Variants in TXNDC16 observed in about 807,000 individuals in gnomAD.
TXNDC16 encodes thioredoxin domain-containing protein 16.
TXNDC16 carries 74 observed loss-of-function variants against 85.6 expected under a neutral mutation model. The observed-to-expected ratio is 0.86, with a 90% CI of 0.72 to 1.05. The LOEUF (loss-of-function observed/expected upper bound fraction) is 1.05, where lower values mean the gene tolerates loss of function less well. Ranked by LOEUF, TXNDC16 falls within the 50% of genes least tolerant of loss-of-function variation. The pLI is 0.00. For missense variants in TXNDC16, 959 were observed against 947.0 expected (o/e 1.01, Z -0.17); for synonymous variants, 335 against 326.5 (o/e 1.03, Z -0.28).
Position 52,546,052 on chromosome 14 carries a change from G to A in TXNDC16, c.-181-1681C>T, listed in dbSNP as rs574366039. Among the ~76,000 whole-genome samples the A allele has an allele frequency of 4.7e-4, 72 of 152,230 alleles. 1 individual carries two copies. The highest frequency in any genetic ancestry group is 3.4e-3 in the Middle Eastern group (1 of 294). The stretch of plus-strand genomic sequence containing the variant: ...TACAATTCCAGCCCTCTGGGAGGCA[G>A]AGGCAGGAAGATCACTTGAGCCTAG... On this transcript the variant is annotated intron_variant, in intron 1 of 20. Transcript: ENST00000281741.
At chr14:52,463,492 T>C (rs989089477) in intron 16 of TXNDC16, among the ~76,000 whole-genome samples, 2 of 152,098 alleles carry the variant, frequency 1.3e-5, no homozygotes, top group African/African-American at 4.8e-5. Flanking sequence ...CAAACCAGAA[T>C]AGGTTCATGG....
chr14:52,530,258 T>TATAATAATATATATGTTATTATATA (rs552800699), intron 6 of TXNDC16, among the ~76,000 whole-genome samples: 1 of 59,426 alleles, frequency 1.7e-5, no homozygotes, highest in Non-Finnish European at 2.8e-5. Context: ...ATATATATTA[T>TATAATAATATATATGTTATTATATA]ATAATATATA....
chr14:52,501,197 C>T (rs938146579), intron 9 of TXNDC16, among the ~76,000 whole-genome samples: 2 of 152,026 alleles, frequency 1.3e-5, no homozygotes, highest in Non-Finnish European at 2.9e-5. Flanking sequence ...CACCTCCCAT[C>T]GTGAGTATAA....
At chr14:52,525,725 A>T (rs1191985222) in intron 6 of TXNDC16, among the ~76,000 whole-genome samples, 2 of 146,528 alleles carry the variant, frequency 1.4e-5, no homozygotes, top group Non-Finnish European at 3.0e-5. Context: ...AATAATAATA[A>T]TAATAATAAT....
At chr14:52,463,150 G>T (rs950553372) in intron 16 of TXNDC16, among the ~76,000 whole-genome samples, 3 of 151,464 alleles carry the variant, frequency 2.0e-5, no homozygotes, top group Admixed American at 2.0e-4. Flanking sequence ...ATTTGATCCT[G>T]GACCCAGTCC....
intron 11 of TXNDC16, among the ~76,000 whole-genome samples, chr14:52,488,831 G>GAAAAAAA (rs199871075): frequency 0.054 from 4,867 of 89,322 alleles, 243 homozygotes; most frequent in South Asian, 0.14. Context: ...GAGACTCTGG[G>GAAAAAAA]AAAAAAAAAA....
At chr14:52,504,088 G>A (rs866218786) in intron 9 of TXNDC16, among the ~76,000 whole-genome samples, 14 of 152,190 alleles carry the variant, frequency 9.2e-5, no homozygotes, top group African/African-American at 1.2e-4. Flanking sequence ...CCAAATCTAC[G>A]TCTGACTGGT....
chr14:52,432,736 T>C, intron 20 of TXNDC16, 149 bp from the exon 21 acceptor site: 1 of 739,160 alleles, frequency 1.4e-6, no homozygotes, highest in Non-Finnish European at 2.0e-6. Context: ...GGAATTTTTT[T>C]ACTGTCATTG....
intron 9 of TXNDC16, among the ~76,000 whole-genome samples, chr14:52,493,783 CT>C (rs144085036): frequency 3.1e-3 from 466 of 148,112 alleles, no homozygotes; most frequent in Non-Finnish European, 4.6e-3. Flanking sequence ...AATAATTAAA[CT>C]TTTTTTTTTT....
In TXNDC16 at chr14:52,490,827, T is replaced by C. The variant is rs753500601; in HGVS notation, c.923+12A>G. On this transcript the variant is annotated intron_variant, in intron 10 of 20. Coordinates refer to ENST00000281741, the MANE Select transcript of TXNDC16 (RefSeq NM_020784.3). Reference sequence around the variant, plus strand: ...TTTGCTAAATATAGTAAATATTCGATGTTTAAGATACCTTAACAAGAGTAG... The same window carrying C: ...TTTGCTAAATATAGTAAATATTCGACGTTTAAGATACCTTAACAAGAGTAG... 1.9e-6 allele frequency: 3 copies of C among 1,598,850 alleles called. No homozygotes were observed. Among genetic ancestry groups the C allele is most frequent in the Non-Finnish European group, 2.5e-6 (3 of 1,176,504 alleles).
chr14:52,485,789 A>AAT (rs1329834934), intron 12 of TXNDC16, among the ~76,000 whole-genome samples: 3 of 152,220 alleles, frequency 2.0e-5, no homozygotes, highest in East Asian at 3.8e-4. Flanking sequence ...AGGTTTGTGT[A>AAT]AGTGAACTTT....
At chr14:52,525,137 A>G (rs1401263600) in intron 6 of TXNDC16, among the ~76,000 whole-genome samples, 1 of 151,986 alleles carries the variant, frequency 6.6e-6, no homozygotes, top group Non-Finnish European at 1.5e-5. Context: ...ATGGCCTTTC[A>G]TTGCAACTGC....
At chr14:52,529,506 TATA>T (rs2037426787) in intron 6 of TXNDC16, among the ~76,000 whole-genome samples, 1 of 89,598 alleles carries the variant, frequency 1.1e-5, no homozygotes, top group African/African-American at 5.0e-5. Flanking sequence ...ATATATTATA[TATA>T]ATGCCTATTA....
chr14:52,467,198 G>A (rs571181374), intron 16 of TXNDC16, among the ~76,000 whole-genome samples: 2 of 151,742 alleles, frequency 1.3e-5, no homozygotes, highest in Admixed American at 6.6e-5. Context: ...AAGGATAAAC[G>A]TTAACTATTA....
chr14:52,546,752 T>C (rs756913285), intron 1 of TXNDC16, among the ~76,000 whole-genome samples: 3 of 152,218 alleles, frequency 2.0e-5, no homozygotes, highest in Non-Finnish European at 4.4e-5. Context: ...CATAAACTAT[T>C]TTCTCTTAAG....
In TXNDC16 at chr14:52,522,679, T is replaced by C. The variant is rs117915555; in HGVS notation, c.393-3386A>G. 5.7e-4 allele frequency among the ~76,000 whole-genome samples: 87 copies of C among 152,302 alleles called. 1 individual carries two copies. The East Asian group carries it at 0.015, about 26-fold the overall frequency. Reference sequence around the variant, plus strand: ...AGCTGTCCTCCTCAGACCCACTCTGTGTCATAATTTTCACTGTATGCAGAG... The same window carrying C: ...AGCTGTCCTCCTCAGACCCACTCTGCGTCATAATTTTCACTGTATGCAGAG... On this transcript the variant is annotated intron_variant, in intron 6 of 20. Transcript: ENST00000281741.
chr14:52,503,856 T>A (rs891999892), intron 9 of TXNDC16, among the ~76,000 whole-genome samples: 1 of 152,078 alleles, frequency 6.6e-6, no homozygotes, highest in Non-Finnish European at 1.5e-5. Flanking sequence ...CTAACTAGAA[T>A]AACCAATGCA....
chr14:52,433,011 GA>G (rs1415653488), intron 20 of TXNDC16, among the ~76,000 whole-genome samples: 12 of 152,016 alleles, frequency 7.9e-5, no homozygotes, highest in African/African-American at 2.9e-4. Context: ...AATCATTCGA[GA>G]AAAAAATTTT....
At chr14:52,548,350 T>C (rs2037980659) in intron 1 of TXNDC16, among the ~76,000 whole-genome samples, 1 of 152,108 alleles carries the variant, frequency 6.6e-6, no homozygotes, top group Non-Finnish European at 1.5e-5. Context: ...CAGGTAATGG[T>C]TGGTCAGCTG....
Sources: gnomAD v4.1 joint callset for allele counts (sites outside exome capture counted in the v4.1 genomes callset) on GRCh38, gnomAD v4.1.1 for gene constraint, MANE v1.5 for transcripts, NCBI Gene and HGNC (gene_info 2026-07-23, HGNC 2026-07-21) for gene names.